The following IQCM variants were observed in gnomAD, a reference collection of about 807,000 sequenced individuals.
IQCM encodes IQ domain-containing protein M.
IQCM carries 45 observed loss-of-function variants against 57.6 expected under a neutral mutation model. That is an observed-to-expected ratio of 0.78 (90% CI 0.62 to 1.00). IQCM has a LOEUF of 1.00. Among genes scored for constraint, IQCM ranks in the 50% least tolerant of loss-of-function variants. IQCM has a pLI of 0.00. For synonymous variants in IQCM, 148 were observed against 158.9 expected (o/e 0.93, Z 0.51); for missense variants, 468 against 511.6 (o/e 0.91, Z 0.82).
chr4:149,488,917 T>A (rs139068530), intron 12 of IQCM, among the ~76,000 whole-genome samples: 1 of 152,260 alleles, frequency 6.6e-6, no homozygotes, highest in Admixed American at 6.5e-5. Context: ...GTAGACCTTT[T>A]GATGACATGA....
At chr4:149,772,498 C>A (rs972813224) in intron 2 of IQCM, among the ~76,000 whole-genome samples, 4 of 151,918 alleles carry the variant, frequency 2.6e-5, no homozygotes, top group African/African-American at 9.7e-5. Flanking sequence ...CTTCAAACTG[C>A]TGTGTTTTTC....
intron 12 of IQCM, among the ~76,000 whole-genome samples, chr4:149,537,402 A>G (rs1233859223): frequency 6.6e-6 from 1 of 151,930 alleles, no homozygotes; most frequent in African/African-American, 2.4e-5. Flanking sequence ...AGGCAGATTA[A>G]TAGCTATTAT....
chr4:149,654,859 T>C (rs1759502606), intron 7 of IQCM, among the ~76,000 whole-genome samples: 2 of 152,280 alleles, frequency 1.3e-5, no homozygotes, highest in South Asian at 4.1e-4. Context: ...TTAGAAGACT[T>C]GGTAAAAAGT....
At chr4:149,534,326 C>T (rs750208120) in intron 12 of IQCM, among the ~76,000 whole-genome samples, 1 of 152,086 alleles carries the variant, frequency 6.6e-6, no homozygotes, top group African/African-American at 2.4e-5. Context: ...TTAAACTCCA[C>T]AAGAAAGAGA....
intron 13 of IQCM, among the ~76,000 whole-genome samples, chr4:149,429,157 G>A (rs1734650217): frequency 6.6e-6 from 1 of 151,788 alleles, no homozygotes; most frequent in Non-Finnish European, 1.5e-5. Flanking sequence ...TTAAAAATTT[G>A]CCAAAGTCAC....
intron 9 of IQCM, among the ~76,000 whole-genome samples, chr4:149,581,416 G>T (rs1021619123): frequency 6.6e-6 from 1 of 151,404 alleles, no homozygotes. Flanking sequence ...TGATCTACAG[G>T]TCTATCTCCC....
chr4:149,605,163 G>A (rs1226847956), intron 8 of IQCM, among the ~76,000 whole-genome samples: 3 of 152,098 alleles, frequency 2.0e-5, no homozygotes, highest in African/African-American at 7.2e-5. Context: ...ATTGAGAATT[G>A]GGTTGAATAT....
At chr4:149,712,891 T>C (rs915943327) in intron 5 of IQCM, among the ~76,000 whole-genome samples, 6 of 152,178 alleles carry the variant, frequency 3.9e-5, no homozygotes, top group Non-Finnish European at 1.5e-5. Flanking sequence ...TGCCCTCATA[T>C]GTTCTGGTAC....
chr4:149,733,165 A>T, intron 5 of IQCM, 79 bp downstream of exon 5: 1 of 1,160,964 alleles, frequency 8.6e-7, no homozygotes, highest in South Asian at 4.5e-5. Context: ...TGAAAAAGAA[A>T]ATTCCATTAC....
chr4:149,394,227 C>T (rs1578907883), intron 13 of IQCM, among the ~76,000 whole-genome samples: 1 of 151,942 alleles, frequency 6.6e-6, no homozygotes, highest in Non-Finnish European at 1.5e-5. Context: ...ATATAATTGG[C>T]TCATATCTTA....
At chr4:149,745,966 T>G (rs963390124) in intron 2 of IQCM, among the ~76,000 whole-genome samples, 2 of 151,682 alleles carry the variant, frequency 1.3e-5, no homozygotes, top group Non-Finnish European at 2.9e-5. Context: ...AGTGAGACCC[T>G]GTCTCAAAGA....
At chr4:149,809,440 C>T (rs1774362470) in intron 2 of IQCM, among the ~76,000 whole-genome samples, 1 of 151,964 alleles carries the variant, frequency 6.6e-6, no homozygotes, top group Non-Finnish European at 1.5e-5. Context: ...GTTTGTTTAG[C>T]TTTAATGTAT....
intron 13 of IQCM, among the ~76,000 whole-genome samples, chr4:149,390,877 T>C (rs1731801631): frequency 6.6e-6 from 1 of 151,710 alleles, no homozygotes; most frequent in African/African-American, 2.4e-5. Flanking sequence ...TGTAGTTTTG[T>C]TTTGTTTTTT....
At chr4:149,488,205 G>A (rs1178266612) in intron 12 of IQCM, among the ~76,000 whole-genome samples, 1 of 151,842 alleles carries the variant, frequency 6.6e-6, no homozygotes, top group Non-Finnish European at 1.5e-5. Flanking sequence ...GAAAAGTGTG[G>A]GGTTACTATG....
At chr4:149,527,545 T>A (rs1412511990) in intron 12 of IQCM, among the ~76,000 whole-genome samples, 2 of 152,222 alleles carry the variant, frequency 1.3e-5, no homozygotes, top group African/African-American at 4.8e-5. Context: ...CTTCCCAGTT[T>A]CCAGAACTGT....
chr4:149,513,612 TG>T (rs1428449779), intron 12 of IQCM, among the ~76,000 whole-genome samples: 1 of 152,138 alleles, frequency 6.6e-6, no homozygotes, highest in Non-Finnish European at 1.5e-5. Flanking sequence ...AAAATCATGG[TG>T]GAGTTAGGTT....
intron 9 of IQCM, among the ~76,000 whole-genome samples, chr4:149,579,194 C>T (rs1751937706): frequency 6.6e-6 from 1 of 151,682 alleles, no homozygotes; most frequent in Admixed American, 6.6e-5. Flanking sequence ...TCCTCTTTCC[C>T]AGCTGCTGAT....
chr4:149,749,088 C>T (rs2149928903), intron 2 of IQCM, among the ~76,000 whole-genome samples: 1 of 152,258 alleles, frequency 6.6e-6, no homozygotes, highest in East Asian at 1.9e-4. Context: ...AGATATAGAA[C>T]TACTGAAATA....
At chr4:149,553,639 A>G (rs1051600289) in intron 10 of IQCM, among the ~76,000 whole-genome samples, 1 of 152,184 alleles carries the variant, frequency 6.6e-6, no homozygotes, top group South Asian at 2.1e-4. Context: ...GTAATAGATG[A>G]TTCTTGTCTA....
Sources: allele counts gnomAD v4.1 joint callset (sites outside exome capture counted in the v4.1 genomes callset), GRCh38; gene constraint gnomAD v4.1.1; transcripts MANE v1.5; gene names NCBI Gene and HGNC (gene_info 2026-07-23, HGNC 2026-07-21).